LAMA4: variants seen among roughly 807,000 people sequenced by gnomAD.
The protein encoded by LAMA4 is laminin subunit alpha 4.
A neutral mutation model predicts 207.1 loss-of-function variants in LAMA4; 127 were observed. The ratio of observed to expected loss-of-function variants is 0.61; its 90% CI spans 0.53 to 0.71. LAMA4 has a LOEUF of 0.71. Among genes scored for constraint, LAMA4 ranks in the 30% least tolerant of loss-of-function variants. LAMA4 has a pLI of 0.00. For missense variants in LAMA4, 2,093 were observed against 2,246.5 expected (o/e 0.93, Z 1.38); for synonymous variants, 761 against 816.0 (o/e 0.93, Z 1.15).
chr6:112,194,642 A>T (rs1216696695), intron 5 of LAMA4, among the ~76,000 whole-genome samples: 2 of 152,228 alleles, frequency 1.3e-5, no homozygotes, highest in Non-Finnish European at 2.9e-5. Flanking sequence ...ATTGCTGCAT[A>T]GCTCAAACCT....
chr6:112,154,302 C>T (rs1395599973), intron 16 of LAMA4, among the ~76,000 whole-genome samples: 1 of 148,260 alleles, frequency 6.7e-6, no homozygotes, highest in East Asian at 2.0e-4. Context: ...ATGCTTCTTA[C>T]CATATGCTTG....
At chr6:112,127,236 G>C (rs1286681891) in intron 31 of LAMA4, among the ~76,000 whole-genome samples, 1 of 151,916 alleles carries the variant, frequency 6.6e-6, no homozygotes, top group African/African-American at 2.4e-5. Flanking sequence ...AAGAAAGCAT[G>C]CTAATAAATT....
chr6:112,140,175 G>T (rs1554332750), intron 22 of LAMA4, among the ~76,000 whole-genome samples: 5 of 152,128 alleles, frequency 3.3e-5, no homozygotes, highest in Non-Finnish European at 7.3e-5. Context: ...TGTTAGGTAG[G>T]TATTCTTGTT....
At chr6:112,150,444 T>G (rs1319598267) in intron 17 of LAMA4, 67 bp downstream of exon 17, 17 of 954,256 alleles carry the variant, frequency 1.8e-5, no homozygotes, top group Non-Finnish European at 2.6e-5. Flanking sequence ...ACCTAATCCT[T>G]CCTTGAAGGT....
chr6:112,121,755 C>T, intron 32 of LAMA4: 1 of 398,346 alleles, frequency 2.5e-6, no homozygotes, highest in East Asian at 5.4e-5. Flanking sequence ...TCTTCCTTTC[C>T]TTGATTGTCT....
At chr6:112,140,221 A>T (rs1554332770) in intron 22 of LAMA4, among the ~76,000 whole-genome samples, 1 of 152,204 alleles carries the variant, frequency 6.6e-6, no homozygotes, top group South Asian at 2.1e-4. Flanking sequence ...TCTCAGATAA[A>T]TTCCAATTAT....
At chr6:112,125,490 A>G (rs1778637308) in intron 31 of LAMA4, among the ~76,000 whole-genome samples, 1 of 152,236 alleles carries the variant, frequency 6.6e-6, no homozygotes, top group Non-Finnish European at 1.5e-5. Flanking sequence ...ATACCTTAGC[A>G]TGATGTCTGT....
chr6:112,117,988 AC>A lies in LAMA4; in HGVS notation c.4822-91del. 2.0e-6 allele frequency: 2 copies of A among 1,024,072 alleles called. No individual in the cohort carries two copies. Among genetic ancestry groups the A allele is most frequent in the Non-Finnish European group, 3.1e-6 (2 of 653,934 alleles). The allele number at this position is 1,024,072 out of a possible 1,614,324, so 63.4% of individuals were successfully genotyped here. ...ATGAGGGGGTTTGAGTCCTGAAGGA[AC>A]CCACGTAATTCCTTGTTTCATTTAT... On this transcript the variant is annotated intron_variant, in intron 34 of 38. Transcript: ENST00000230538. This position sits in a 1 kb window ranked among gnomAD's most constrained non-coding sequence, Gnocchi z 4.5.
chr6:112,186,736 T>G, intron 8 of LAMA4: 1 of 448,346 alleles, frequency 2.2e-6, no homozygotes, highest in Non-Finnish European at 4.4e-6. Flanking sequence ...TATTTTTCTT[T>G]TTTAATTGTT....
chr6:112,130,283 A>ATTTTTGTGTGT, intron 29 of LAMA4: 1 of 532,186 alleles, frequency 1.9e-6, no homozygotes, highest in South Asian at 2.1e-5. Context: ...TCAGATGACT[A>ATTTTTGTGTGT]GTCATCAGCA....
At chr6:112,236,637 A>G (rs1785942139) in intron 2 of LAMA4, 1 of 152,210 alleles carries the variant, frequency 6.6e-6, no homozygotes, top group Non-Finnish European at 1.5e-5. Flanking sequence ...AGTTCTCCCC[A>G]GGTATACTGC....
intron 10 of LAMA4, 35 bp from the exon 11 acceptor site, chr6:112,175,515 G>A (rs1554343447): frequency 2.5e-6 from 4 of 1,611,004 alleles, no homozygotes; most frequent in South Asian, 1.1e-5. Context: ...AAGGCAGCAG[G>A]GAGAGATGAC....
intron 3 of LAMA4, chr6:112,214,033 G>A (rs1554357735): frequency 1.3e-6 from 1 of 763,144 alleles, no homozygotes; most frequent in South Asian, 1.4e-5. Flanking sequence ...GAACGATAGG[G>A]CAGAAGCTGA....
At chr6:112,130,163 GCGAGTTGC>G in intron 29 of LAMA4, 123 bp from the exon 30 acceptor site, 1 of 810,174 alleles carries the variant, frequency 1.2e-6, no homozygotes, top group Non-Finnish European at 2.1e-6. Flanking sequence ...TGAAAAGACA[GCGAGTTGC>G]CAAACTCTTC....
intron 12 of LAMA4, among the ~76,000 whole-genome samples, chr6:112,166,634 A>G (rs1246864770): frequency 6.6e-6 from 1 of 152,246 alleles, no homozygotes; most frequent in Non-Finnish European, 1.5e-5. Context: ...AGCACTGTAT[A>G]TAAGCTTATT....
At chr6:112,221,786 A>G (rs1279362282) in intron 2 of LAMA4, among the ~76,000 whole-genome samples, 1 of 152,232 alleles carries the variant, frequency 6.6e-6, no homozygotes, top group African/African-American at 2.4e-5. Context: ...ACTTGGGCAG[A>G]CTTAAGAATC....
intron 6 of LAMA4, among the ~76,000 whole-genome samples, chr6:112,190,912 T>C (rs1007456060): frequency 3.1e-5 from 3 of 96,326 alleles, no homozygotes; most frequent in Admixed American, 2.4e-4. Flanking sequence ...TCTTTCTTTC[T>C]TTCTTTCTTT....
chr6:112,150,957 T>A (rs1455240978), intron 16 of LAMA4, among the ~76,000 whole-genome samples: 1 of 152,220 alleles, frequency 6.6e-6, no homozygotes, highest in Non-Finnish European at 1.5e-5. Context: ...TCTCTCTCTC[T>A]ACATATATGT....
In LAMA4 at chr6:112,175,241, T is replaced by C. The variant is rs1781950878; in HGVS notation, c.1357+72A>G. ...TGCTTTGATTATATGTTGCCCTAGG[T>C]TTAATGTCTGCTATTGGACCCACAA... On this transcript the variant is annotated intron_variant, in intron 11 of 38. Coordinates refer to ENST00000230538, the MANE Select transcript of LAMA4 (RefSeq NM_001105206.3). 7 of 1,462,050 alleles carry C rather than the reference T, an allele frequency of 4.8e-6. No homozygotes were observed. In the Admixed American group the frequency reaches 8.4e-5, roughly 17 times the overall value. The allele number at this position is 1,462,050 out of a possible 1,614,324, so 90.6% of individuals were successfully genotyped here. A position where few individuals can be genotyped will look rare whatever the true frequency, so the allele number is the denominator to read the frequency against.
Sources: gnomAD v4.1 joint callset for allele counts (sites outside exome capture counted in the v4.1 genomes callset) on GRCh38, gnomAD v4.1.1 for gene constraint, Gnocchi (gnomAD v3.1) non-coding constraint, MANE v1.5 for transcripts, NCBI Gene and HGNC (gene_info 2026-07-23, HGNC 2026-07-21) for gene names.